GARIN2: variants seen among roughly 807,000 people sequenced by gnomAD.
GARIN2 encodes the protein Golgi-associated RAB2 interactor protein 2.
chr14:67,194,831 T>C, the GARIN2 span, among the ~76,000 whole-genome samples: 1 of 152,156 alleles, frequency 6.6e-6, no homozygotes, highest in Non-Finnish European at 1.5e-5. Flanking sequence ...CTAATTTTTA[T>C]ATTTTCAGTA....
the GARIN2 span, among the ~76,000 whole-genome samples, chr14:67,209,843 C>T: frequency 7.4e-5 from 10 of 135,036 alleles, no homozygotes; most frequent in South Asian, 2.4e-4. Flanking sequence ...AAAAAAGAAA[C>T]GAAAAAGTAT....
chr14:67,222,344 G>A, the GARIN2 span, among the ~76,000 whole-genome samples: 1 of 152,204 alleles, frequency 6.6e-6, no homozygotes, highest in Non-Finnish European at 1.5e-5. Flanking sequence ...AGGCTGATGT[G>A]CAGTGGTGTG....
At chr14:67,228,377 C>A in the GARIN2 span, 1 of 496,004 alleles carries the variant, frequency 2.0e-6, no homozygotes, top group Non-Finnish European at 2.6e-6. Context: ...TAAAAATATT[C>A]TCTATTTCAG....
chr14:67,203,065 T>C, the GARIN2 span: 6 of 1,603,434 alleles, frequency 3.7e-6, no homozygotes, highest in South Asian at 2.2e-5. Context: ...TTTCATCATA[T>C]AACGCCTTTT....
chr14:67,210,598 G>A, the GARIN2 span, among the ~76,000 whole-genome samples: 2 of 151,990 alleles, frequency 1.3e-5, no homozygotes, highest in African/African-American at 4.8e-5. Flanking sequence ...AATATTTGTT[G>A]TAGCTATTGA....
At chr14:67,209,677 G>T in the GARIN2 span, among the ~76,000 whole-genome samples, 2 of 151,784 alleles carry the variant, frequency 1.3e-5, no homozygotes, top group African/African-American at 2.4e-5. Context: ...AATTAGCCAG[G>T]TGTGGTGGCA....
At chr14:67,220,446 A>AG in the GARIN2 span, among the ~76,000 whole-genome samples, 1 of 139,052 alleles carries the variant, frequency 7.2e-6, no homozygotes, top group African/African-American at 2.6e-5. Flanking sequence ...TTTCTCAGGA[A>AG]AAAAAAAAAA....
the GARIN2 span, chr14:67,225,395 T>C: frequency 1.8e-6 from 1 of 560,926 alleles, no homozygotes; most frequent in Non-Finnish European, 2.8e-6. Context: ...ATAAGTGGAA[T>C]GAAATGTTAG....
At chr14:67,198,175 C>T in the GARIN2 span, 1 of 1,612,416 alleles carries the variant, frequency 6.2e-7, no homozygotes, top group African/African-American at 1.3e-5. Flanking sequence ...AAGAAGAACA[C>T]CAGCAAGACT....
chr14:67,205,420 A>T, the GARIN2 span, among the ~76,000 whole-genome samples: 3 of 152,338 alleles, frequency 2.0e-5, no homozygotes, highest in South Asian at 6.2e-4. Flanking sequence ...CACAGAATCC[A>T]CATGAGCCTC....
chr14:67,204,205 G>A, the GARIN2 span, among the ~76,000 whole-genome samples: 1 of 152,154 alleles, frequency 6.6e-6, no homozygotes, highest in African/African-American at 2.4e-5. Context: ...GGGAAGCCAA[G>A]GCAGGTGAAT....
At chr14:67,198,792 T>C in the GARIN2 span, among the ~76,000 whole-genome samples, 11 of 152,320 alleles carry the variant, frequency 7.2e-5, no homozygotes, top group East Asian at 2.1e-3. Flanking sequence ...AAACTGCATT[T>C]CTATGCATTT....
At chr14:67,219,266 C>G in the GARIN2 span, among the ~76,000 whole-genome samples, 1 of 152,158 alleles carries the variant, frequency 6.6e-6, no homozygotes, top group Non-Finnish European at 1.5e-5. Flanking sequence ...TGGTGGGGCT[C>G]TTCTGCTTAC....
At chr14:67,200,382 G>T in the GARIN2 span, 2 of 602,610 alleles carry the variant, frequency 3.3e-6, no homozygotes, top group South Asian at 2.0e-5. Flanking sequence ...CGATACCTTG[G>T]ACCAATCAGA....
the GARIN2 span, among the ~76,000 whole-genome samples, chr14:67,210,893 AC>A: frequency 6.6e-6 from 1 of 152,052 alleles, no homozygotes; most frequent in Non-Finnish European, 1.5e-5. Flanking sequence ...AGTCCCAGCT[AC>A]TCAGGAGGCT....
chr14:67,223,865 T>C, the GARIN2 span: 1 of 985,798 alleles, frequency 1.0e-6, no homozygotes. Flanking sequence ...TAACACCCTG[T>C]ACCCCAAGAA....
chr14:67,192,859 GATAT>G, the GARIN2 span, among the ~76,000 whole-genome samples: 3 of 142,216 alleles, frequency 2.1e-5, no homozygotes, highest in East Asian at 2.0e-4. Flanking sequence ...TAGATATACA[GATAT>G]ATATAGATAT....
the GARIN2 span, among the ~76,000 whole-genome samples, chr14:67,212,147 T>C: frequency 2.0e-5 from 3 of 152,146 alleles, no homozygotes; most frequent in Admixed American, 6.5e-5. Context: ...GTAAACACAC[T>C]AGGTACATTG....
At chr14:67,197,047 A>T in the GARIN2 span, 2 of 151,570 alleles carry the variant, frequency 1.3e-5, no homozygotes, top group East Asian at 3.9e-4. Context: ...TCCCACCTCA[A>T]CCTCCCAAGT....
Sources: allele counts gnomAD v4.1 joint callset (sites outside exome capture counted in the v4.1 genomes callset), GRCh38; gene constraint gnomAD v4.1.1; transcripts MANE v1.5; gene names NCBI Gene and HGNC (gene_info 2026-07-23, HGNC 2026-07-21).